Variants in LARGE1 observed in about 807,000 individuals in gnomAD.
LARGE1 encodes LARGE xylosyl- and glucuronyltransferase 1.
LARGE1 carries 43 observed loss-of-function variants against 87.6 expected under a neutral mutation model. That is an observed-to-expected ratio of 0.49 (90% CI 0.38 to 0.63). The LOEUF (loss-of-function observed/expected upper bound fraction) is 0.63. LARGE1 is among the 30% of genes least tolerant of loss of function. LARGE1 has a pLI of 0.00. For missense variants in LARGE1, 802 were observed against 1,000.2 expected (o/e 0.80, Z 2.67); for synonymous variants, 434 against 394.6 (o/e 1.10, Z -1.18).
rs1601584603 is a variant in LARGE1, at chr22:33,360,614, T to C, written c.1131+21305A>G. On this transcript the variant is annotated intron_variant, in intron 9 of 14. Coordinates refer to ENST00000397394, the MANE Select transcript of LARGE1 (RefSeq NM_133642.5). ...AACCATTCATGAGAAACCACCCCCA[T>C]GATCCAAGCACCTCCCAGCAGGCCC... 2.0e-5 allele frequency among the ~76,000 whole-genome samples: 3 copies of C among 149,542 alleles called. 1 individual carries two copies. In the South Asian group the frequency reaches 6.7e-4, roughly 34 times the overall value.
At chr22:33,510,470 G>A (rs569446421) in intron 6 of LARGE1, among the ~76,000 whole-genome samples, 1 of 152,308 alleles carries the variant, frequency 6.6e-6, no homozygotes, top group South Asian at 2.1e-4. Context: ...CAGAGGATGT[G>A]CTAATGACTG....
In LARGE1 at chr22:33,277,138, A is replaced by G; in HGVS notation, c.1995T>C (p.Arg665=). The change falls in exon 14 of 15, where the codon CGT becomes CGC. Residue 665 remains arginine, a synonymous_variant. Transcript: ENST00000397394. ...ACCTCCGGTCGTACTCCGGGCAGTC[A>G]CGTCTCACAACAACATACGGCTCAA... ...ADFEPYVVVR[R]DCPEYDRRFV... 1 of 1,614,222 alleles carries G rather than the reference A, an allele frequency of 6.2e-7. No individual in the cohort carries two copies. The highest frequency in any genetic ancestry group is 2.2e-5 in the East Asian group (1 of 44,884).
intron 10 of LARGE1, among the ~76,000 whole-genome samples, chr22:33,332,724 C>T (rs143670934): frequency 1.6e-4 from 25 of 152,292 alleles, no homozygotes; most frequent in East Asian, 1.5e-3. Flanking sequence ...TGACGCGCTG[C>T]GGAAGACCAG....
At chr22:33,673,498 C>T (rs2081477435) in intron 2 of LARGE1, among the ~76,000 whole-genome samples, 1 of 152,126 alleles carries the variant, frequency 6.6e-6, no homozygotes, top group Admixed American at 6.5e-5. Flanking sequence ...CCCTTGCATC[C>T]ATTCTTGTCA....
intron 11 of LARGE1, among the ~76,000 whole-genome samples, chr22:33,195,847 C>T (rs747892654): frequency 4.6e-4 from 69 of 150,896 alleles, no homozygotes; most frequent in African/African-American, 1.6e-3. Context: ...CTCTGCCTCC[C>T]GGGTTCACGC....
intron 6 of LARGE1, among the ~76,000 whole-genome samples, chr22:33,518,549 T>C (rs1043173785): frequency 3.2e-4 from 49 of 152,218 alleles, no homozygotes; most frequent in African/African-American, 1.2e-3. Flanking sequence ...CCTCAGGTGT[T>C]GCGCTGGCCT....
chr22:33,243,342 A>G (rs1029285717), intron 11 of LARGE1, among the ~76,000 whole-genome samples: 4 of 152,234 alleles, frequency 2.6e-5, no homozygotes, highest in African/African-American at 9.6e-5. Flanking sequence ...ATCAAGATAT[A>G]AAACATTTTT....
chr22:33,364,883 C>T lies in LARGE1; in HGVS notation c.1131+17036G>A, dbSNP rs1010960663. Among the ~76,000 whole-genome samples the T allele has an allele frequency of 5.9e-5, 9 of 151,680 alleles. No homozygotes were observed. The East Asian group carries it at 9.7e-4, about 16-fold the overall frequency. ...GCTAATTTTTTATTTTTTGTAGAGA[C>T]GGGGGTCTTACTATGTTGCCTAGGC... is the stretch of plus-strand genomic sequence containing the variant. On this transcript the variant is annotated intron_variant, in intron 9 of 14. Coordinates refer to ENST00000397394, the MANE Select transcript of LARGE1 (RefSeq NM_133642.5).
the LARGE1 span, among the ~76,000 whole-genome samples, chr22:33,138,121 T>C: frequency 6.6e-6 from 1 of 152,140 alleles, no homozygotes; most frequent in East Asian, 1.9e-4. Flanking sequence ...ATGGAGTCTG[T>C]ACCCTACAAA....
At chr22:33,735,515 G>A (rs2063076669) in intron 2 of LARGE1, among the ~76,000 whole-genome samples, 1 of 152,006 alleles carries the variant, frequency 6.6e-6, no homozygotes, top group Admixed American at 6.6e-5. Context: ...CCCCAACAAA[G>A]GTATCTCAGA....
intron 12 of LARGE1, among the ~76,000 whole-genome samples, chr22:33,300,717 A>G (rs1934034438): frequency 6.6e-6 from 1 of 151,822 alleles, no homozygotes; most frequent in South Asian, 2.1e-4. Context: ...AATTTATGGT[A>G]TTTCAGTAGA....
At chr22:33,415,112 G>A (rs1320479973) in intron 7 of LARGE1, among the ~76,000 whole-genome samples, 2 of 152,176 alleles carry the variant, frequency 1.3e-5, no homozygotes, top group Non-Finnish European at 2.9e-5. Context: ...AGCAATAAAG[G>A]GCAAGTCAGG....
chr22:33,717,884 C>T (rs2082958703), intron 2 of LARGE1, among the ~76,000 whole-genome samples: 1 of 152,186 alleles, frequency 6.6e-6, no homozygotes, highest in South Asian at 2.1e-4. Flanking sequence ...GGCCTCTGTG[C>T]CAGGCCTGCC....
chr22:33,092,838 G>T, the LARGE1 span, among the ~76,000 whole-genome samples: 3 of 152,164 alleles, frequency 2.0e-5, no homozygotes, highest in African/African-American at 7.2e-5. Context: ...GTCTCATGGT[G>T]TGTAGGTACC....
intron 1 of LARGE1, among the ~76,000 whole-genome samples, chr22:33,884,328 C>T (rs73406676): frequency 0.059 from 9,016 of 152,274 alleles, 790 homozygotes; most frequent in African/African-American, 0.19. Flanking sequence ...GGTCACTGTA[C>T]GTTGACCCTC....
intron 6 of LARGE1, among the ~76,000 whole-genome samples, chr22:33,483,133 T>C (rs1466577178): frequency 2.6e-5 from 4 of 152,194 alleles, no homozygotes; most frequent in Non-Finnish European, 5.9e-5. Context: ...TTCAATCTTT[T>C]CAAAAGTCTT....
At chr22:33,191,674 A>G (rs1056188972) in intron 11 of LARGE1, among the ~76,000 whole-genome samples, 2 of 152,224 alleles carry the variant, frequency 1.3e-5, no homozygotes, top group Non-Finnish European at 1.5e-5. Flanking sequence ...CACAGACATG[A>G]GTGTAACTCT....
At chr22:33,491,238 G>A (rs1050233540) in intron 6 of LARGE1, among the ~76,000 whole-genome samples, 4 of 152,072 alleles carry the variant, frequency 2.6e-5, no homozygotes, top group Non-Finnish European at 5.9e-5. Context: ...TTAAAAGCTC[G>A]AGGGCACTAA....
intron 1 of LARGE1, among the ~76,000 whole-genome samples, chr22:33,766,449 C>T (rs934214297): frequency 6.6e-6 from 1 of 152,080 alleles, no homozygotes; most frequent in Non-Finnish European, 1.5e-5. Flanking sequence ...GTTTGAGACA[C>T]GGTTTCTCTC....
Sources: gnomAD v4.1 joint callset for allele counts (sites outside exome capture counted in the v4.1 genomes callset) on GRCh38, gnomAD v4.1.1 for gene constraint, MANE v1.5 for transcripts, NCBI Gene and HGNC (gene_info 2026-07-23, HGNC 2026-07-21) for gene names.